Variants in SLC35F4 observed in about 807,000 individuals in gnomAD.
The protein encoded by SLC35F4 is chromosome 14 open reading frame 36.
A neutral mutation model predicts 44.2 loss-of-function variants in SLC35F4; 24 were observed. The ratio of observed to expected loss-of-function variants is 0.54; its 90% confidence interval spans 0.39 to 0.76. The LOEUF (loss-of-function observed/expected upper bound fraction) is 0.76. SLC35F4 is among the 30% of genes least tolerant of loss of function. SLC35F4 has a pLI of 0.00. For synonymous variants in SLC35F4, 238 were observed against 223.6 expected (o/e 1.06, Z -0.57); for missense variants, 562 against 586.1 (o/e 0.96, Z 0.42).
intron 1 of SLC35F4, among the ~76,000 whole-genome samples, chr14:57,947,836 C>T (rs1223507427): frequency 6.6e-6 from 1 of 151,994 alleles, no homozygotes; most frequent in African/African-American, 2.4e-5. Context: ...CATTTATTGA[C>T]TTTCATATGT....
At position 57,669,714 on chromosome 14, in the gene SLC35F4, G is replaced by T. The variant is rs561326950; in HGVS notation, c.104-75590C>A. On this transcript the variant is annotated intron_variant, in intron 1 of 7. Coordinates refer to ENST00000556826, the MANE Select transcript of SLC35F4 (RefSeq NM_001306087.2). Reference sequence around the variant, plus strand: ...TCATGGTGGATAAGCTTTTTGATGTGCTGCTGGATTCGGTTTGTCAGTATT... The same window carrying T: ...TCATGGTGGATAAGCTTTTTGATGTTCTGCTGGATTCGGTTTGTCAGTATT... Among the ~76,000 whole-genome samples the T allele has an allele frequency of 2.0e-3, 310 of 152,164 alleles. 4 individuals carry two copies. The highest frequency in any genetic ancestry group is 7.2e-3 in the African/African-American group (297 of 41,456).
At chr14:57,905,037 T>C (rs1223780807) in intron 1 of SLC35F4, among the ~76,000 whole-genome samples, 1 of 152,196 alleles carries the variant, frequency 6.6e-6, no homozygotes, top group Non-Finnish European at 1.5e-5. Context: ...CATAATCTCA[T>C]GTTATGTGGG....
chr14:57,811,350 A>G (rs899925205), intron 1 of SLC35F4, among the ~76,000 whole-genome samples: 2 of 152,194 alleles, frequency 1.3e-5, no homozygotes, highest in African/African-American at 4.8e-5. Context: ...TCTCGGCTCT[A>G]GAATAAGCCA....
At chr14:57,714,214 CAA>C (rs1284411299) in intron 1 of SLC35F4, among the ~76,000 whole-genome samples, 1 of 152,114 alleles carries the variant, frequency 6.6e-6, no homozygotes, top group Non-Finnish European at 1.5e-5. Flanking sequence ...CATTCCAAAA[CAA>C]AGTTTCTCCA....
intron 1 of SLC35F4, among the ~76,000 whole-genome samples, chr14:57,797,200 C>G (rs2078073451): frequency 6.6e-6 from 1 of 152,152 alleles, no homozygotes; most frequent in South Asian, 2.1e-4. Flanking sequence ...TCTAGCAGTC[C>G]CATGTTCCAT....
In SLC35F4 at chr14:57,614,503, G is replaced by T. The variant is rs1416628561; in HGVS notation, c.104-20379C>A. The stretch of plus-strand genomic sequence containing the variant: ...AAGCTGATACATGGTGAGGTTTCAT[G>T]AGTAAAGTTGTTATTTCCCAAAGAA... On this transcript the variant is annotated intron_variant, in intron 1 of 7. Transcript: ENST00000556826. 1.3e-5 allele frequency among the ~76,000 whole-genome samples: 2 copies of T among 152,174 alleles called. 1 individual carries two copies.
At chr14:57,910,863 A>G (rs192644411) in intron 1 of SLC35F4, among the ~76,000 whole-genome samples, 1 of 152,120 alleles carries the variant, frequency 6.6e-6, no homozygotes. Flanking sequence ...AAGTTGGACA[A>G]AAAGTGACAT....
intron 5 of SLC35F4, among the ~76,000 whole-genome samples, chr14:57,571,687 T>G (rs1415858134): frequency 6.6e-6 from 1 of 152,180 alleles, no homozygotes; most frequent in African/African-American, 2.4e-5. Flanking sequence ...AAAGTGGAAA[T>G]AAGTATTTAT....
chr14:57,629,356 G>T (rs1006079899), intron 1 of SLC35F4, among the ~76,000 whole-genome samples: 3 of 152,108 alleles, frequency 2.0e-5, no homozygotes, highest in African/African-American at 7.2e-5. Context: ...AATGAAAGGA[G>T]AAATAAACAC....
At chr14:57,903,009 T>C (rs79221873) in intron 1 of SLC35F4, among the ~76,000 whole-genome samples, 5,509 of 152,268 alleles carry the variant, frequency 0.036, 335 homozygotes, top group African/African-American at 0.13. Context: ...CTACCTCATA[T>C]GTTACATGTT....
exon 2 of SLC35F4, chr14:57,976,894 T>G (rs1478439172): frequency 6.6e-6 from 1 of 152,260 alleles, no homozygotes; most frequent in Non-Finnish European, 1.5e-5. Context: ...AGACTTTGAT[T>G]GTCTTGACAT....
chr14:57,858,541 G>A lies in SLC35F4; in HGVS notation c.103+7182C>T, dbSNP rs373419756. 1.6e-4 allele frequency among the ~76,000 whole-genome samples: 24 copies of A among 151,964 alleles called. No homozygotes were observed. The East Asian group carries it at 3.3e-3, about 21-fold the overall frequency. ...ACCAGGGCCTGTTGTGGGGTTGGGG[G>A]AGTGGGGAGGGATAGCATTAGGAGA... On this transcript the variant is annotated intron_variant, in intron 1 of 7. Transcript: ENST00000556826.
chr14:57,778,378 G>A (rs1369618700), intron 1 of SLC35F4, among the ~76,000 whole-genome samples: 1 of 151,982 alleles, frequency 6.6e-6, no homozygotes. Flanking sequence ...AAAAAGACAA[G>A]GAAGGACATT....
intron 1 of SLC35F4, among the ~76,000 whole-genome samples, chr14:57,681,774 T>C (rs1488957299): frequency 6.6e-6 from 1 of 151,996 alleles, no homozygotes; most frequent in African/African-American, 2.4e-5. Flanking sequence ...ATATCCAGAA[T>C]CTACAAAGGA....
chr14:57,902,511 C>T (rs192670292), intron 1 of SLC35F4, among the ~76,000 whole-genome samples: 160 of 149,728 alleles, frequency 1.1e-3, no homozygotes, highest in African/African-American at 3.6e-3. Flanking sequence ...TGTGGTGAGC[C>T]GAGATCACGC....
intron 1 of SLC35F4, among the ~76,000 whole-genome samples, chr14:57,708,901 C>CAG (rs370125596): frequency 3.3e-5 from 5 of 151,156 alleles, no homozygotes; most frequent in African/African-American, 7.2e-5. Context: ...GCAGCTGAGG[C>CAG]AGAGAGAGAG....
chr14:57,807,514 G>A (rs1428329608), intron 1 of SLC35F4, among the ~76,000 whole-genome samples: 1 of 151,934 alleles, frequency 6.6e-6, no homozygotes, highest in Non-Finnish European at 1.5e-5. Context: ...TTTTAGGGAA[G>A]TTTTGTTCCA....
intron 1 of SLC35F4, among the ~76,000 whole-genome samples, chr14:57,850,038 G>A (rs1886420821): frequency 6.6e-6 from 1 of 152,154 alleles, no homozygotes; most frequent in Non-Finnish European, 1.5e-5. Flanking sequence ...TAATTTAGAT[G>A]CAAATATTGA....
intron 1 of SLC35F4, among the ~76,000 whole-genome samples, chr14:57,696,688 T>A (rs955630124): frequency 2.6e-5 from 4 of 152,172 alleles, no homozygotes; most frequent in Non-Finnish European, 5.9e-5. Context: ...AATGATAGAC[T>A]GGATAAAGAA....
Sources: gnomAD v4.1 joint callset for allele counts (sites outside exome capture counted in the v4.1 genomes callset) on GRCh38, gnomAD v4.1.1 for gene constraint, MANE v1.5 for transcripts, NCBI Gene and HGNC (gene_info 2026-07-23, HGNC 2026-07-21) for gene names.